The following BMF variants were observed in gnomAD, a reference collection of about 807,000 sequenced individuals.
BMF encodes Bcl2 modifying factor.
A neutral mutation model predicts 22.0 loss-of-function variants in BMF; 10 were observed. The ratio of observed to expected loss-of-function variants is 0.45; its 90% CI spans 0.28 to 0.77. The LOEUF (loss-of-function observed/expected upper bound fraction) is 0.77. Ranked by LOEUF, BMF falls within the 30% of genes least tolerant of loss-of-function variation. The probability of loss-of-function intolerance (pLI) is 0.13; values close to 1 mark genes in which losing one functional copy is unlikely to be tolerated. For missense variants in BMF, 206 were observed against 226.8 expected, an observed-to-expected ratio of 0.91 and a Z score of 0.59; for synonymous variants, 87 against 88.1, an observed-to-expected ratio of 0.99 and a Z score of 0.07.
At chr15:40,092,332 G>A (rs1361465693) in intron 4 of BMF, among the ~76,000 whole-genome samples, 1 of 151,994 alleles carries the variant, frequency 6.6e-6, no homozygotes, top group Non-Finnish European at 1.5e-5. Context: ...GGAAAGGGGG[G>A]GCCTCCATCT....
Position 40,087,937 on chromosome 15 carries a change from A to C in BMF, c.*3850T>G, listed in dbSNP as rs2036164515. ...AAAATTGTACCAATTGATGGGGGGAAAGATATACACACATACACACATATG... is the reference window on the plus strand; with the variant it reads ...AAAATTGTACCAATTGATGGGGGGACAGATATACACACATACACACATATG... On this transcript the variant is annotated 3_prime_UTR_variant, in exon 5 of 5. Transcript: ENST00000354670. 6.6e-6 allele frequency: 1 copy of C among 152,284 alleles called. No homozygotes were observed. The allele number at this position is 152,284 out of a possible 1,614,324, so 9.4% of individuals were successfully genotyped here.
At chr15:40,092,820 G>T (rs1443859600) in intron 4 of BMF, among the ~76,000 whole-genome samples, 3 of 151,942 alleles carry the variant, frequency 2.0e-5, no homozygotes, top group African/African-American at 4.8e-5. Context: ...TGGAAGAGGC[G>T]GTCTTTGTTC....
chr15:40,096,092 G>A (rs2036353612), intron 4 of BMF, among the ~76,000 whole-genome samples: 1 of 149,582 alleles, frequency 6.7e-6, no homozygotes, highest in Admixed American at 6.6e-5. Context: ...GTCTAAAGAT[G>A]TACTTTATGT....
At chr15:40,096,815 C>G (rs2036371845) in intron 4 of BMF, among the ~76,000 whole-genome samples, 1 of 152,084 alleles carries the variant, frequency 6.6e-6, no homozygotes, top group East Asian at 1.9e-4. Flanking sequence ...ACGCTGTGGA[C>G]CAGAAAAAAA....
intron 4 of BMF, among the ~76,000 whole-genome samples, chr15:40,097,339 G>A (rs995920056): frequency 6.6e-6 from 1 of 152,162 alleles, no homozygotes; most frequent in Non-Finnish European, 1.5e-5. Flanking sequence ...ACCCAACTGA[G>A]CTAAGAGTTA....
rs2036234861 is a variant in BMF, at chr15:40,091,713, T to C, written c.*74A>G. On this transcript the variant is annotated 3_prime_UTR_variant, in exon 5 of 5. Transcript: ENST00000354670. The stretch of plus-strand genomic sequence containing the variant: ...AAAAAAACAATTTCACAAGACACAG[T>C]GTCAGTCCTGCCCGATGTCCTTCCT... The C allele has an allele frequency of 4.7e-6, 5 of 1,065,882 alleles. No individual in the cohort carries two copies. The highest frequency in any genetic ancestry group is 1.4e-5 in the South Asian group (1 of 69,520). The allele number at this position is 1,065,882 out of a possible 1,614,324, so 66.0% of individuals were successfully genotyped here.
chr15:40,107,151 A>G (rs189312838), intron 2 of BMF, among the ~76,000 whole-genome samples: 1 of 152,318 alleles, frequency 6.6e-6, no homozygotes, highest in Non-Finnish European at 1.5e-5. Context: ...CTCCCTACAC[A>G]TACCAGGAAC....
chr15:40,105,302 C>T (rs2036563523), intron 3 of BMF, among the ~76,000 whole-genome samples: 3 of 152,252 alleles, frequency 2.0e-5, no homozygotes, highest in Admixed American at 1.3e-4. Context: ...ATCCCCTCTC[C>T]TGGCATTGGG....
chr15:40,102,827 T>G (rs868271647), intron 4 of BMF, among the ~76,000 whole-genome samples: 1 of 152,114 alleles, frequency 6.6e-6, no homozygotes, highest in East Asian at 1.9e-4. Context: ...AGTCCACACA[T>G]GGACTGAAGG....
chr15:40,099,780 CAAAAAAAAA>C (rs747996690), intron 4 of BMF, among the ~76,000 whole-genome samples: 1 of 64,430 alleles, frequency 1.6e-5, no homozygotes, highest in Non-Finnish European at 2.8e-5. Flanking sequence ...GCTGTCTCAC[CAAAAAAAAA>C]AAAAAAAAAA....
At chr15:40,099,078 CAG>C (rs2141023647) in intron 4 of BMF, among the ~76,000 whole-genome samples, 1 of 152,350 alleles carries the variant, frequency 6.6e-6, no homozygotes, top group South Asian at 2.1e-4. Flanking sequence ...ACTCCTGGGA[CAG>C]AGGCTGGCTT....
At chr15:40,094,688 G>A (rs1477687588) in intron 4 of BMF, among the ~76,000 whole-genome samples, 2 of 152,198 alleles carry the variant, frequency 1.3e-5, no homozygotes, top group Admixed American at 1.3e-4. Context: ...AGAATTTCAA[G>A]GAAGGGTCCC....
At chr15:40,096,302 C>T (rs2036359694) in intron 4 of BMF, among the ~76,000 whole-genome samples, 1 of 152,148 alleles carries the variant, frequency 6.6e-6, no homozygotes, top group Non-Finnish European at 1.5e-5. Context: ...AAGAATCTCC[C>T]TCTGCCTCTC....
rs1292094740 is a variant in BMF, at chr15:40,089,798, C to T, written c.*1989G>A. 6.6e-6 allele frequency: 1 copy of T among 152,304 alleles called. No individual in the cohort carries two copies. Among genetic ancestry groups the T allele is most frequent in the Non-Finnish European group, 1.5e-5 (1 of 68,052 alleles). The allele number at this position is 152,304 out of a possible 1,614,324, so 9.4% of individuals were successfully genotyped here. A position where few individuals can be genotyped will look rare whatever the true frequency, so the allele number is the denominator to read the frequency against. On this transcript the variant is annotated 3_prime_UTR_variant, in exon 5 of 5. Transcript: ENST00000354670. The stretch of plus-strand genomic sequence containing the variant: ...AGGGGAGAACAACGTATGTCCCATA[C>T]ACATCATAAAATGGTATGGAGACCC...
chr15:40,107,570 GTGTGTA>G (rs1293940382), intron 2 of BMF, among the ~76,000 whole-genome samples: 1 of 148,778 alleles, frequency 6.7e-6, no homozygotes, highest in Non-Finnish European at 1.5e-5. Context: ...GTGTGTGTGT[GTGTGTA>G]TGGGGAGGGG....
intron 4 of BMF, among the ~76,000 whole-genome samples, chr15:40,097,100 T>C (rs2036377951): frequency 6.6e-6 from 1 of 152,166 alleles, no homozygotes; most frequent in Admixed American, 6.5e-5. Context: ...AATTCCTGCT[T>C]GAAGGAAGCT....
At chr15:40,094,878 G>C (rs897508279) in intron 4 of BMF, among the ~76,000 whole-genome samples, 1 of 152,260 alleles carries the variant, frequency 6.6e-6, no homozygotes, top group Non-Finnish European at 1.5e-5. Context: ...CACTTCACGT[G>C]TTGGTGTTTT....
At chr15:40,101,821 G>A (rs915689190) in intron 4 of BMF, among the ~76,000 whole-genome samples, 4 of 152,164 alleles carry the variant, frequency 2.6e-5, no homozygotes, top group Non-Finnish European at 5.9e-5. Context: ...AACTGTTTAA[G>A]GAGAAGACAA....
At chr15:40,100,070 T>A (rs1002812736) in intron 4 of BMF, among the ~76,000 whole-genome samples, 8 of 152,160 alleles carry the variant, frequency 5.3e-5, no homozygotes, top group Non-Finnish European at 1.0e-4. Context: ...ATTCCAACCC[T>A]CCTGTAGCTT....
Sources: gnomAD v4.1 joint callset for allele counts (sites outside exome capture counted in the v4.1 genomes callset) on GRCh38, gnomAD v4.1.1 for gene constraint, MANE v1.5 for transcripts, NCBI Gene and HGNC (gene_info 2026-07-23, HGNC 2026-07-21) for gene names.